PIBF1: variants seen among roughly 807,000 people sequenced by gnomAD.
PIBF1 encodes the protein progesterone immunomodulatory binding factor 1.
In PIBF1, 90 loss-of-function variants were observed where a neutral mutation model predicts 112.5. The observed-to-expected ratio is 0.80, with a 90% CI of 0.67 to 0.95. The LOEUF (loss-of-function observed/expected upper bound fraction) is 0.95. Ranked by LOEUF, PIBF1 falls within the 40% of genes least tolerant of loss-of-function variation. PIBF1 has a pLI of 0.00. For missense variants in PIBF1, 915 were observed against 852.3 expected (o/e 1.07, Z -0.92); for synonymous variants, 301 against 288.6 (o/e 1.04, Z -0.44).
At chr13:72,828,955 CTTT>C (rs1453543787) in intron 8 of PIBF1, among the ~76,000 whole-genome samples, 1 of 152,190 alleles carries the variant, frequency 6.6e-6, no homozygotes, top group East Asian at 1.9e-4. Flanking sequence ...TGTTTCCTGA[CTTT>C]TTAATGATTG....
intron 14 of PIBF1, among the ~76,000 whole-genome samples, chr13:72,950,876 T>C (rs752801725): frequency 2.6e-5 from 4 of 152,176 alleles, no homozygotes; most frequent in Non-Finnish European, 5.9e-5. Context: ...AAACAAGCAA[T>C]GAAGAAGATT....
chr13:72,804,503 A>T (rs1252174642), intron 5 of PIBF1, among the ~76,000 whole-genome samples: 1 of 152,206 alleles, frequency 6.6e-6, no homozygotes, highest in Non-Finnish European at 1.5e-5. Context: ...TGTCTGTGAC[A>T]TTCCTTCCCA....
At chr13:72,973,375 G>A (rs1192910972) in intron 15 of PIBF1, among the ~76,000 whole-genome samples, 1 of 151,216 alleles carries the variant, frequency 6.6e-6, no homozygotes, top group Non-Finnish European at 1.5e-5. Context: ...AGAAAGAAAA[G>A]AAAAAAGAAA....
chr13:72,793,684 G>T (rs935186369), intron 3 of PIBF1, among the ~76,000 whole-genome samples: 4 of 152,162 alleles, frequency 2.6e-5, no homozygotes, highest in Non-Finnish European at 5.9e-5. Context: ...CATAAAAAAT[G>T]GTTGGATTCT....
Position 72,887,570 on chromosome 13 carries a change from A to G in PIBF1, c.1323-6214A>G, listed in dbSNP as rs531057417. Among the ~76,000 whole-genome samples the G allele has an allele frequency of 4.7e-4, 72 of 152,126 alleles. No homozygotes were observed. The South Asian group carries it at 6.0e-3, about 13-fold the overall frequency. The stretch of plus-strand genomic sequence containing the variant: ...GTTTAGCTAATAACACTTTGTTTTG[A>G]GAAGTAAAGGATATATCTAAGCCAA... On this transcript the variant is annotated intron_variant, in intron 10 of 17. Coordinates refer to ENST00000326291, the MANE Select transcript of PIBF1 (RefSeq NM_006346.4).
At chr13:72,943,829 G>T (rs538854101) in intron 14 of PIBF1, among the ~76,000 whole-genome samples, 1 of 152,200 alleles carries the variant, frequency 6.6e-6, no homozygotes, top group Admixed American at 6.5e-5. Context: ...TTTCAAGTTA[G>T]GCAGACTGGT....
intron 16 of PIBF1, among the ~76,000 whole-genome samples, chr13:72,984,031 C>G (rs961092656): frequency 6.6e-6 from 1 of 151,918 alleles, no homozygotes; most frequent in African/African-American, 2.4e-5. Flanking sequence ...ATAGTGAAAA[C>G]CAAAAACACA....
At chr13:72,884,082 C>G (rs1381726492) in intron 10 of PIBF1, among the ~76,000 whole-genome samples, 2 of 152,040 alleles carry the variant, frequency 1.3e-5, no homozygotes, top group Non-Finnish European at 2.9e-5. Flanking sequence ...TCAAAATATC[C>G]CATATACGTA....
chr13:72,801,456 A>T (rs1203937674), intron 5 of PIBF1, among the ~76,000 whole-genome samples: 2 of 152,194 alleles, frequency 1.3e-5, no homozygotes, highest in African/African-American at 4.8e-5. Flanking sequence ...ATGTACACAA[A>T]TCTATTATCA....
chr13:72,980,000 G>A (rs2043117396), intron 16 of PIBF1, among the ~76,000 whole-genome samples: 1 of 152,170 alleles, frequency 6.6e-6, no homozygotes, highest in South Asian at 2.1e-4. Context: ...CTGATGAAGA[G>A]AGGAGGGATG....
chr13:72,798,857 T>A (rs1437054773), intron 5 of PIBF1, among the ~76,000 whole-genome samples: 1 of 152,234 alleles, frequency 6.6e-6, no homozygotes, highest in Non-Finnish European at 1.5e-5. Context: ...AAGTTAGCCT[T>A]GTTCGTGATA....
At chr13:72,935,478 T>G (rs1338160735) in intron 14 of PIBF1, among the ~76,000 whole-genome samples, 1 of 152,210 alleles carries the variant, frequency 6.6e-6, no homozygotes, top group Non-Finnish European at 1.5e-5. Context: ...TCATTTCCAG[T>G]TTTCTGAATA....
chr13:72,923,274 T>C (rs2041362059), intron 13 of PIBF1, among the ~76,000 whole-genome samples: 1 of 152,162 alleles, frequency 6.6e-6, no homozygotes, highest in Non-Finnish European at 1.5e-5. Flanking sequence ...GTTAGGAAAT[T>C]GTATGTAGTA....
At chr13:72,894,772 A>AGT (rs35885902) in intron 11 of PIBF1, among the ~76,000 whole-genome samples, 11,139 of 137,004 alleles carry the variant, frequency 0.081, 493 homozygotes, top group African/African-American at 0.091. Context: ...ATATATATAT[A>AGT]GTGTGTGTGT....
intron 9 of PIBF1, among the ~76,000 whole-genome samples, chr13:72,844,138 C>T (rs543949734): frequency 6.6e-6 from 1 of 152,152 alleles, no homozygotes; most frequent in Admixed American, 6.5e-5. Flanking sequence ...TATTAATAAC[C>T]GTATTTTACA....
Position 72,813,813 on chromosome 13 carries a change from A to G in PIBF1, c.673-8036A>G, listed in dbSNP as rs1323593123. Among the ~76,000 whole-genome samples, 4 of 151,906 alleles carry G rather than the reference A, an allele frequency of 2.6e-5. No homozygotes were observed. In the South Asian group the frequency reaches 8.3e-4, roughly 32 times the overall value. On this transcript the variant is annotated intron_variant, in intron 5 of 17. Coordinates refer to ENST00000326291, the MANE Select transcript of PIBF1 (RefSeq NM_006346.4). Reference sequence around the variant, plus strand: ...TCTTAATCAGAAAATAGCTTCCTGCATACAAGGGAAGAAATTGATAGAGAC... The same window carrying G: ...TCTTAATCAGAAAATAGCTTCCTGCGTACAAGGGAAGAAATTGATAGAGAC...
intron 17 of PIBF1, among the ~76,000 whole-genome samples, chr13:73,000,880 G>A (rs1825719736): frequency 6.6e-6 from 1 of 152,134 alleles, no homozygotes; most frequent in Non-Finnish European, 1.5e-5. Flanking sequence ...AAATTAAGAA[G>A]ATTCAATATT....
At chr13:72,857,700 C>T (rs1242391450) in intron 10 of PIBF1, among the ~76,000 whole-genome samples, 1 of 152,016 alleles carries the variant, frequency 6.6e-6, no homozygotes, top group Non-Finnish European at 1.5e-5. Flanking sequence ...ATTAGCCTGG[C>T]ATAGTGGCAC....
intron 13 of PIBF1, among the ~76,000 whole-genome samples, chr13:72,926,571 C>T (rs374241077): frequency 6.6e-6 from 1 of 152,194 alleles, no homozygotes; most frequent in Non-Finnish European, 1.5e-5. Flanking sequence ...CGGGCCAGAT[C>T]GTGTTATGTC....
Sources: gnomAD v4.1 joint callset for allele counts (sites outside exome capture counted in the v4.1 genomes callset) on GRCh38, gnomAD v4.1.1 for gene constraint, MANE v1.5 for transcripts, NCBI Gene and HGNC (gene_info 2026-07-23, HGNC 2026-07-21) for gene names.